Variants in DIP2C observed in about 807,000 individuals in gnomAD.
The protein encoded by DIP2C is disco-interacting protein 2 homolog C.
A neutral mutation model predicts 192.4 loss-of-function variants in DIP2C; 33 were observed. The observed-to-expected ratio is 0.17, with a 90% CI of 0.13 to 0.23. The LOEUF (loss-of-function observed/expected upper bound fraction) is 0.23. Among genes scored for constraint, DIP2C ranks in the 10% least tolerant of loss-of-function variants. The pLI, the probability that DIP2C is intolerant of heterozygous loss-of-function variation, is 1.00. For synonymous variants in DIP2C, 979 were observed against 864.1 expected (o/e 1.13, Z -2.33); for missense variants, 1,537 against 2,110.1 (o/e 0.73, Z 5.32).
In DIP2C at chr10:441,289, A is replaced by T; in HGVS notation, c.269-293T>A. ...GGTGAATGGACCTTGATCTTTGGAG[A>T]TCTCTTTGTAGGTCACACGTTCGAG... On this transcript the variant is annotated intron_variant, in intron 3 of 36. Coordinates refer to ENST00000280886, the MANE Select transcript of DIP2C (RefSeq NM_014974.3). 1.2e-5 allele frequency: 4 copies of T among 326,220 alleles called. No homozygotes were observed. In the South Asian group the frequency reaches 1.6e-4, roughly 13 times the overall value. 20.2% of individuals were successfully genotyped at this position (326,220 alleles called of 1,614,324 possible).
chr10:448,804 C>A (rs147652262), intron 3 of DIP2C, among the ~76,000 whole-genome samples: 8,830 of 119,176 alleles, frequency 0.074, 1,266 homozygotes, highest in African/African-American at 0.3. Context: ...AGTGGGGCAG[C>A]AGGACCCACT....
chr10:418,302 TCGGATAGGCC>T (rs1965936192), intron 6 of DIP2C, among the ~76,000 whole-genome samples: 1 of 149,968 alleles, frequency 6.7e-6, no homozygotes, highest in African/African-American at 2.5e-5. Context: ...CTGTCGGAGC[TCGGATAGGCC>T]TCCCTGTCCA....
chr10:399,784 GT>G (rs1964274636), intron 9 of DIP2C, among the ~76,000 whole-genome samples: 1 of 151,996 alleles, frequency 6.6e-6, no homozygotes, highest in Non-Finnish European at 1.5e-5. Flanking sequence ...GCGTGAGTTC[GT>G]GGAGGCTGAC....
intron 1 of DIP2C, among the ~76,000 whole-genome samples, chr10:512,576 C>T (rs1846084605): frequency 6.6e-6 from 1 of 150,620 alleles, no homozygotes; most frequent in African/African-American, 2.4e-5. Flanking sequence ...CAGAGTGAGA[C>T]CCCATCTCAA....
chr10:611,893 G>T (rs1853122010), intron 1 of DIP2C, among the ~76,000 whole-genome samples: 2 of 152,182 alleles, frequency 1.3e-5, no homozygotes, highest in African/African-American at 4.8e-5. Context: ...ATGTAACTAT[G>T]GTTTGTGCTG....
At position 488,284 on chromosome 10, in the gene DIP2C, C is replaced by T. The variant is rs563996004; in HGVS notation, c.86-1754G>A. On this transcript the variant is annotated intron_variant, in intron 1 of 36. Transcript: ENST00000280886. ...AGCTTCCAGGCCACTTCTGGAGACACGCTCTGTGCTCACGGCCTGCTCCTT... is the reference window on the plus strand; with the variant it reads ...AGCTTCCAGGCCACTTCTGGAGACATGCTCTGTGCTCACGGCCTGCTCCTT... Among the ~76,000 whole-genome samples the T allele has an allele frequency of 2.4e-4, 37 of 152,308 alleles. No homozygotes were observed. In the East Asian group the frequency reaches 5.4e-3, roughly 22 times the overall value.
chr10:689,525 G>C lies in DIP2C; in HGVS notation c.54C>G (p.Arg18=). The C allele has an allele frequency of 3.1e-6, 4 of 1,297,292 alleles. No homozygotes were observed. Among genetic ancestry groups the C allele is most frequent in the Non-Finnish European group, 4.0e-6 (4 of 1,003,894 alleles). The allele number at this position is 1,297,292 out of a possible 1,614,324, so 80.4% of individuals were successfully genotyped here. The change falls in exon 1 of 37, where the codon CGC becomes CGG. Residue 18 remains arginine (R), a synonymous_variant. Transcript: ENST00000280886. The surrounding 1 kb of genome is among the most constrained non-coding windows in gnomAD (Gnocchi z 6.1). ...ACAGCTCCAGCTCCAGCTCGGCCAGGCGCGCCCGCACCTCCAGGGGCAGCG... is the reference window on the plus strand; with the variant it reads ...ACAGCTCCAGCTCCAGCTCGGCCAGCCGCGCCCGCACCTCCAGGGGCAGCG... ...GMALPLEVRA[R]LAELELELSE...
intron 17 of DIP2C, among the ~76,000 whole-genome samples, chr10:381,874 CCT>C (rs1962405143): frequency 1.3e-5 from 2 of 152,328 alleles, no homozygotes; most frequent in South Asian, 4.1e-4. Context: ...CACCACACCT[CCT>C]CTCTCTTGCC....
At position 486,435 on chromosome 10, in the gene DIP2C, A is replaced by T. The variant is rs776931924; in HGVS notation, c.157+24T>A. The stretch of plus-strand genomic sequence containing the variant: ...GTGAATGCGGGAAATGAGAGGACTC[A>T]TGCTACTCATGGGGGTTACCTACTC... On this transcript the variant is annotated intron_variant, in intron 2 of 36. Transcript: ENST00000280886. 18 of 1,578,122 alleles carry T rather than the reference A, an allele frequency of 1.1e-5. No individual in the cohort carries two copies. In the African/African-American group the frequency reaches 1.5e-4, roughly 13 times the overall value.
At chr10:588,489 G>C (rs1283986373) in intron 1 of DIP2C, among the ~76,000 whole-genome samples, 1 of 152,250 alleles carries the variant, frequency 6.6e-6, no homozygotes, top group Non-Finnish European at 1.5e-5. Context: ...AGAGGTCAGG[G>C]AAAGTTCAAC....
chr10:591,132 G>C (rs1426849989), intron 1 of DIP2C, among the ~76,000 whole-genome samples: 2 of 151,766 alleles, frequency 1.3e-5, no homozygotes, highest in East Asian at 3.9e-4. Context: ...TTTTTGTTTT[G>C]TTTTTTTTAG....
At chr10:287,737 A>G (rs1955228120) in intron 33 of DIP2C, among the ~76,000 whole-genome samples, 1 of 151,664 alleles carries the variant, frequency 6.6e-6, no homozygotes, top group Non-Finnish European at 1.5e-5. Flanking sequence ...TAGTTCTAGT[A>G]AAAAAACAAA....
In DIP2C at chr10:423,813, A is replaced by C. The variant is rs1187130288; in HGVS notation, c.395-780T>G. On this transcript the variant is annotated intron_variant, in intron 4 of 36. Transcript: ENST00000280886. ...AGAAAGCAGAACGTGCCTCACGCGG[A>C]GCAGCCCCTCCACCTCCCCGTTTTC... 2.0e-5 allele frequency among the ~76,000 whole-genome samples: 3 copies of C among 152,322 alleles called. No individual in the cohort carries two copies. In the East Asian group the frequency reaches 5.8e-4, roughly 29 times the overall value.
intron 6 of DIP2C, among the ~76,000 whole-genome samples, chr10:417,600 ATAGG>A (rs1965731681): frequency 6.6e-6 from 1 of 150,816 alleles, no homozygotes; most frequent in Non-Finnish European, 1.5e-5. Flanking sequence ...TGGAGCTAGG[ATAGG>A]CATCCCTGTC....
chr10:541,381 T>TCCA (rs1470509127), intron 1 of DIP2C, among the ~76,000 whole-genome samples: 5 of 151,986 alleles, frequency 3.3e-5, no homozygotes, highest in Non-Finnish European at 7.4e-5. Context: ...AGCTTGACCT[T>TCCA]CCACCTGACC....
At chr10:590,523 G>GT (rs1851337420) in intron 1 of DIP2C, among the ~76,000 whole-genome samples, 1 of 152,162 alleles carries the variant, frequency 6.6e-6, no homozygotes, top group South Asian at 2.1e-4. Context: ...TTAAAATCAG[G>GT]TGTTTCATCA....
chr10:369,711 G>A (rs12573723), intron 17 of DIP2C, 78 bp from the exon 18 acceptor site: 65,686 of 1,608,672 alleles, frequency 0.041, 1,542 homozygotes, highest in African/African-American at 0.093. Context: ...CAGCACACAT[G>A]CGGCAGGCTG....
chr10:603,229 G>A (rs1852210699), intron 1 of DIP2C, among the ~76,000 whole-genome samples: 1 of 148,810 alleles, frequency 6.7e-6, no homozygotes. Flanking sequence ...GCACAGGGGG[G>A]CGGGGGTTGC....
At position 419,129 on chromosome 10, in the gene DIP2C, C is replaced by A. The variant is rs1287948324; in HGVS notation, c.675G>T (p.Gln225His). The A allele has an allele frequency of 3.1e-6, 5 of 1,614,164 alleles. No individual in the cohort carries two copies. The South Asian group carries it at 5.5e-5, about 18-fold the overall frequency. ...SEHSIQVERP[Q>H]GSTGSRTAPK... ...GCGCTGTCCGGGACCCCGTGGAACC[C>A]TGCGGTCTCTCCACCTGTATCGAGT... The change falls in exon 6 of 37, where the codon CAG becomes CAT. Residue 225 changes from glutamine (Q) to histidine (H), a missense_variant. Around this residue, in one of 4 missense-constraint regions of DIP2C, gnomAD observed 473 missense variants for 539.6 expected, o/e 0.88. Coordinates refer to ENST00000280886, the MANE Select transcript of DIP2C (RefSeq NM_014974.3).
Sources: gnomAD v4.1 joint callset for allele counts (sites outside exome capture counted in the v4.1 genomes callset) on GRCh38, gnomAD v4.1.1 for gene constraint, gnomAD v4.1.1 regional missense constraint, Gnocchi (gnomAD v3.1) non-coding constraint, MANE v1.5 for transcripts, NCBI Gene and HGNC (gene_info 2026-07-23, HGNC 2026-07-21) for gene names.